The following PRELID2 variants were observed in gnomAD, a reference collection of about 807,000 sequenced individuals.
PRELID2 encodes the protein PRELI domain-containing protein 2.
Under a neutral mutation model 28.4 loss-of-function variants are expected in PRELID2, and 25 were observed. The observed-to-expected ratio is 0.88, with a 90% CI of 0.64 to 1.23. The LOEUF (loss-of-function observed/expected upper bound fraction) is 1.23, where lower values mean the gene tolerates loss of function less well. Ranked by LOEUF, PRELID2 falls within the 50% of genes most tolerant of loss-of-function variation. The probability of loss-of-function intolerance (pLI) is 0.00; values close to 1 mark genes in which losing one functional copy is unlikely to be tolerated. For missense variants in PRELID2, 201 were observed against 214.4 expected, an observed-to-expected ratio of 0.94 and a Z score of 0.39; for synonymous variants, 76 against 71.6, an observed-to-expected ratio of 1.06 and a Z score of -0.31.
rs192717425 is a variant in PRELID2 at position 145,748,621 on chromosome 5, C to A, written n.70+16310G>T. The stretch of plus-strand genomic sequence containing the variant: ...ACATTCTTCACAGAATTAGAAAAAA[C>A]TACTTTAAATTTCATATAGAATCAA... On this transcript the variant is annotated intron_variant and non_coding_transcript_variant, in intron 1 of 2. Transcript: ENST00000510259. Among the ~76,000 whole-genome samples, 9 of 152,274 alleles carry A rather than the reference C, an allele frequency of 5.9e-5. No individual in the cohort carries two copies. The East Asian group carries it at 1.7e-3, about 29-fold the overall frequency.
the PRELID2 span, among the ~76,000 whole-genome samples, chr5:145,249,749 G>A: frequency 1.3e-5 from 2 of 152,040 alleles, no homozygotes; most frequent in African/African-American, 4.8e-5. Context: ...TCAGTTCTCT[G>A]TTTTGTAATG....
At chr5:145,655,080 T>C (rs1268987590) in intron 1 of PRELID2, among the ~76,000 whole-genome samples, 2 of 151,642 alleles carry the variant, frequency 1.3e-5, no homozygotes, top group Non-Finnish European at 3.0e-5. Flanking sequence ...TGTGCAAAAA[T>C]CACAAGCATT....
intron 1 of PRELID2, among the ~76,000 whole-genome samples, chr5:145,833,238 C>A (rs1169205144): frequency 6.6e-6 from 1 of 152,170 alleles, no homozygotes; most frequent in Non-Finnish European, 1.5e-5. Context: ...ACCTTAGAGT[C>A]TAACGGGAAA....
At chr5:145,415,367 G>C in the PRELID2 span, among the ~76,000 whole-genome samples, 2 of 151,302 alleles carry the variant, frequency 1.3e-5, no homozygotes, top group Non-Finnish European at 2.9e-5. Flanking sequence ...GTGCCATGCT[G>C]GTGTGCTGCA....
chr5:145,688,740 C>T (rs17103624), intron 1 of PRELID2, among the ~76,000 whole-genome samples: 5 of 152,068 alleles, frequency 3.3e-5, no homozygotes, highest in Admixed American at 6.5e-5. Context: ...GTACCTAGAG[C>T]GTAAGGTGCA....
At chr5:145,275,688 G>A in the PRELID2 span, among the ~76,000 whole-genome samples, 2 of 152,120 alleles carry the variant, frequency 1.3e-5, no homozygotes, top group Non-Finnish European at 2.9e-5. Context: ...ATGCACTAGC[G>A]TGAGTACTCT....
chr5:145,667,598 A>C (rs1754619510), intron 1 of PRELID2, among the ~76,000 whole-genome samples: 1 of 152,002 alleles, frequency 6.6e-6, no homozygotes, highest in Non-Finnish European at 1.5e-5. Flanking sequence ...CATGCTTTTG[A>C]CCATGCAGTA....
intron 1 of PRELID2, among the ~76,000 whole-genome samples, chr5:145,733,429 TGAGA>T (rs1430099472): frequency 1.3e-5 from 2 of 152,198 alleles, no homozygotes; most frequent in African/African-American, 2.4e-5. Context: ...GCTGGTTAAT[TGAGA>T]AAGTGAATAA....
chr5:145,256,484 T>G, the PRELID2 span, among the ~76,000 whole-genome samples: 1 of 151,980 alleles, frequency 6.6e-6, no homozygotes, highest in African/African-American at 2.4e-5. Context: ...AGTCTGCCAA[T>G]TAATAACCTT....
chr5:145,292,549 T>C, the PRELID2 span, among the ~76,000 whole-genome samples: 1 of 152,132 alleles, frequency 6.6e-6, no homozygotes, highest in African/African-American at 2.4e-5. Flanking sequence ...AAATATTTGG[T>C]AAGTGAAAGA....
intron 1 of PRELID2, among the ~76,000 whole-genome samples, chr5:145,830,206 G>A (rs453811): frequency 0.71 from 108,559 of 152,066 alleles, 39,943 homozygotes; most frequent in Non-Finnish European, 0.82. Flanking sequence ...AGAAACAAAT[G>A]ACAAAAATCA....
the PRELID2 span, among the ~76,000 whole-genome samples, chr5:145,240,362 C>T: frequency 2.0e-5 from 3 of 151,862 alleles, no homozygotes; most frequent in African/African-American, 7.2e-5. Context: ...CATTTTGTTT[C>T]TGTCTTTTCC....
intron 4 of PRELID2, among the ~76,000 whole-genome samples, chr5:145,808,602 C>T (rs1023047245): frequency 6.6e-6 from 1 of 151,974 alleles, no homozygotes; most frequent in Non-Finnish European, 1.5e-5. Flanking sequence ...ACAATAGTGG[C>T]GGTCAGGCGC....
chr5:145,265,035 T>C, the PRELID2 span, among the ~76,000 whole-genome samples: 10 of 146,388 alleles, frequency 6.8e-5, no homozygotes, highest in African/African-American at 2.5e-4. Flanking sequence ...GCTGATGACA[T>C]GATTGTATAT....
intron 1 of PRELID2, among the ~76,000 whole-genome samples, chr5:145,568,796 C>T (rs1488065346): frequency 6.6e-6 from 1 of 152,168 alleles, no homozygotes; most frequent in Non-Finnish European, 1.5e-5. Context: ...TGCATGCTAG[C>T]ACAATACTAC....
chr5:145,506,150 T>C (rs1380589978), intron 1 of PRELID2, among the ~76,000 whole-genome samples: 1 of 152,042 alleles, frequency 6.6e-6, no homozygotes, highest in East Asian at 1.9e-4. Flanking sequence ...TAAAAGAAAA[T>C]TATTGACCCA....
intron 1 of PRELID2, among the ~76,000 whole-genome samples, chr5:145,516,818 C>A (rs969915925): frequency 6.6e-6 from 1 of 151,080 alleles, no homozygotes; most frequent in Non-Finnish European, 1.5e-5. Context: ...GAACAGAGCA[C>A]TCAGAAGTAA....
At chr5:145,695,957 C>A (rs1295087553) in intron 1 of PRELID2, among the ~76,000 whole-genome samples, 1 of 151,888 alleles carries the variant, frequency 6.6e-6, no homozygotes, top group Non-Finnish European at 1.5e-5. Flanking sequence ...TTTAGCTAAC[C>A]CTGGCTAGCT....
chr5:145,645,821 G>A (rs926679332), intron 1 of PRELID2, among the ~76,000 whole-genome samples: 4 of 152,130 alleles, frequency 2.6e-5, no homozygotes, highest in Non-Finnish European at 4.4e-5. Context: ...GAAATTCTGG[G>A]TTGAAAATTC....
Sources: gnomAD v4.1 joint callset for allele counts (sites outside exome capture counted in the v4.1 genomes callset) on GRCh38, gnomAD v4.1.1 for gene constraint, MANE v1.5 for transcripts, NCBI Gene and HGNC (gene_info 2026-07-23, HGNC 2026-07-21) for gene names.